The following PCDHA13 variants were observed in gnomAD, a reference collection of about 807,000 sequenced individuals.
PCDHA13 encodes protocadherin alpha-13.
In PCDHA13, 54 loss-of-function variants were observed where a neutral mutation model predicts 64.8. The observed-to-expected ratio is 0.83, with a 90% confidence interval of 0.67 to 1.04. The LOEUF is 1.04. Among genes scored for constraint, PCDHA13 ranks in the 50% least tolerant of loss-of-function variants. The pLI is 0.00. For missense variants in PCDHA13, 1,248 were observed against 1,254.3 expected (o/e 0.99, Z 0.08); for synonymous variants, 587 against 564.4 (o/e 1.04, Z -0.57).
rs1554175853 is a variant in PCDHA13, at chr5:140,882,859, GA to G, written c.595del (p.Thr199HisfsTer14). The G allele has an allele frequency of 2.5e-6, 4 of 1,614,192 alleles. No homozygotes were observed. Among genetic ancestry groups the G allele is most frequent in the Non-Finnish European group, 3.4e-6 (4 of 1,180,034 alleles). On this transcript the variant is annotated frameshift_variant, in exon 1 of 4. Transcript: ENST00000289272. LOFTEE classifies it high-confidence loss of function. ...TGTCTTCATTATCACTTGTACTGAG[GA>G]AAACACTGGACAGAGAGGAAATTCA... ...QMSSLSLVLR[K>X]TLDREEIQEH...
chr5:140,941,169 C>T (rs1283079666), intron 1 of PCDHA13, among the ~76,000 whole-genome samples: 1 of 145,950 alleles, frequency 6.9e-6, no homozygotes, highest in Admixed American at 6.9e-5. Flanking sequence ...GACTCCCCAT[C>T]TTGAACATCC....
intron 1 of PCDHA13, among the ~76,000 whole-genome samples, chr5:140,886,582 C>A (rs1304608793): frequency 6.6e-6 from 1 of 151,938 alleles, no homozygotes; most frequent in African/African-American, 2.4e-5. Flanking sequence ...AATCCCAGCA[C>A]TTTGGGAGGC....
intron 1 of PCDHA13, among the ~76,000 whole-genome samples, chr5:140,903,398 T>C (rs1011557575): frequency 1.3e-5 from 2 of 152,204 alleles, no homozygotes; most frequent in Admixed American, 1.3e-4. Context: ...CTAGAAACAG[T>C]AGTGCAGTCA....
rs978053855 is a variant in PCDHA13 at position 141,009,492 on chromosome 5, A to T, written c.2543-135A>T. 4 of 1,478,558 alleles carry T rather than the reference A, an allele frequency of 2.7e-6. No individual in the cohort carries two copies. In the African/African-American group the frequency reaches 5.6e-5, roughly 21 times the overall value. The allele number at this position is 1,478,558 out of a possible 1,614,324, so 91.6% of individuals were successfully genotyped here. ...ATAAGTAAACACTTGCCTTGCCCTCAGACTTGAACAAACAACTCGTGATTT... is the reference window on the plus strand; with the variant it reads ...ATAAGTAAACACTTGCCTTGCCCTCTGACTTGAACAAACAACTCGTGATTT... On this transcript the variant is annotated intron_variant, in intron 3 of 3. Coordinates refer to ENST00000289272, the MANE Select transcript of PCDHA13 (RefSeq NM_018904.3).
intron 1 of PCDHA13, among the ~76,000 whole-genome samples, chr5:140,900,374 T>TCAAGAA (rs1554189115): frequency 1.3e-5 from 2 of 151,622 alleles, no homozygotes; most frequent in Non-Finnish European, 2.9e-5. Flanking sequence ...GCCTCCTGGG[T>TCAAGAA]TCAAGCGATT....
At chr5:140,967,803 C>T (rs1042188546) in intron 1 of PCDHA13, 3 of 1,614,066 alleles carry the variant, frequency 1.9e-6, no homozygotes, top group Admixed American at 3.3e-5. Flanking sequence ...GTGCCCATGG[C>T]AGGTCACTGC....
intron 3 of PCDHA13, among the ~76,000 whole-genome samples, chr5:140,994,127 A>T (rs536865883): frequency 6.6e-6 from 1 of 152,348 alleles, no homozygotes; most frequent in South Asian, 2.1e-4. Flanking sequence ...GATAAGGGCG[A>T]CAATAATGCC....
intron 1 of PCDHA13, among the ~76,000 whole-genome samples, chr5:140,893,394 T>TAA (rs2063972728): frequency 6.6e-6 from 1 of 152,198 alleles, no homozygotes; most frequent in South Asian, 2.1e-4. Flanking sequence ...GGCTCATGCC[T>TAA]GTAATCCCAG....
chr5:140,976,887 C>T (rs933700917), intron 1 of PCDHA13, among the ~76,000 whole-genome samples: 2 of 152,150 alleles, frequency 1.3e-5, no homozygotes, highest in Non-Finnish European at 2.9e-5. Flanking sequence ...AATTAGGATA[C>T]ATGCAACAGT....
At chr5:140,918,982 G>C (rs1554198889) in intron 1 of PCDHA13, among the ~76,000 whole-genome samples, 1 of 152,188 alleles carries the variant, frequency 6.6e-6, no homozygotes, top group Non-Finnish European at 1.5e-5. Flanking sequence ...AGGTTAGTTG[G>C]TTTTTAGTGT....
At chr5:140,935,732 A>G (rs933243274) in intron 1 of PCDHA13, among the ~76,000 whole-genome samples, 3 of 152,212 alleles carry the variant, frequency 2.0e-5, no homozygotes, top group African/African-American at 4.8e-5. Flanking sequence ...GAAGTCTAGT[A>G]TCTATTATTC....
intron 1 of PCDHA13, among the ~76,000 whole-genome samples, chr5:140,965,168 T>A (rs1484687706): frequency 6.6e-6 from 1 of 152,180 alleles, no homozygotes; most frequent in Non-Finnish European, 1.5e-5. Context: ...GACGTTTTAG[T>A]GAGTGCTTTT....
chr5:140,904,502 G>T (rs1554191560), intron 1 of PCDHA13, among the ~76,000 whole-genome samples: 2 of 151,770 alleles, frequency 1.3e-5, no homozygotes, highest in African/African-American at 4.8e-5. Flanking sequence ...TTTTACAATT[G>T]TGAATTGTGC....
chr5:140,963,021 G>A (rs2095729854), intron 1 of PCDHA13, among the ~76,000 whole-genome samples: 1 of 152,150 alleles, frequency 6.6e-6, no homozygotes, highest in Non-Finnish European at 1.5e-5. Flanking sequence ...AGAAAATGAA[G>A]CAATTAACAT....
chr5:140,884,886 A>G (rs1261353977), intron 1 of PCDHA13, among the ~76,000 whole-genome samples: 1 of 152,220 alleles, frequency 6.6e-6, no homozygotes, highest in Non-Finnish European at 1.5e-5. Flanking sequence ...CAAAACAAGA[A>G]TATTTTGTTT....
At chr5:140,902,208 T>TC (rs1462936622) in intron 1 of PCDHA13, among the ~76,000 whole-genome samples, 2 of 149,762 alleles carry the variant, frequency 1.3e-5, no homozygotes, top group East Asian at 3.9e-4. Flanking sequence ...TCTTTCTTTT[T>TC]TTTTTTTTTT....
At chr5:140,901,930 C>G (rs902948893) in intron 1 of PCDHA13, among the ~76,000 whole-genome samples, 2 of 151,400 alleles carry the variant, frequency 1.3e-5, no homozygotes, top group Admixed American at 1.3e-4. Flanking sequence ...TTGGTTAATT[C>G]CTAGGTATAT....
At chr5:141,001,723 A>T (rs936645287) in intron 3 of PCDHA13, among the ~76,000 whole-genome samples, 1 of 152,168 alleles carries the variant, frequency 6.6e-6, no homozygotes, top group Non-Finnish European at 1.5e-5. Flanking sequence ...GGAGCTTGAG[A>T]TATTTTACAA....
intron 1 of PCDHA13, chr5:140,928,202 A>G: frequency 6.2e-7 from 1 of 1,614,210 alleles, no homozygotes; most frequent in Non-Finnish European, 8.5e-7. Flanking sequence ...TCAGTTGCTG[A>G]TGTGAATGAC....
Sources: gnomAD v4.1 joint callset for allele counts (sites outside exome capture counted in the v4.1 genomes callset) on GRCh38, gnomAD v4.1.1 for gene constraint, MANE v1.5 for transcripts, NCBI Gene and HGNC (gene_info 2026-07-23, HGNC 2026-07-21) for gene names.